CADPS2: variants seen among roughly 807,000 people sequenced by gnomAD.
The protein encoded by CADPS2 is calcium-dependent secretion activator 2.
In CADPS2, 93 loss-of-function variants were observed where a neutral mutation model predicts 172.5. The ratio of observed to expected loss-of-function variants is 0.54; its 90% CI spans 0.46 to 0.64. The LOEUF (loss-of-function observed/expected upper bound fraction) is 0.64. Among genes scored for constraint, CADPS2 ranks in the 30% least tolerant of loss-of-function variants. The probability of loss-of-function intolerance (pLI) is 0.00; values close to 1 mark genes in which losing one functional copy is unlikely to be tolerated. For synonymous variants in CADPS2, 546 were observed against 555.2 expected, an observed-to-expected ratio of 0.98 and a Z score of 0.23; for missense variants, 1,420 against 1,565.9, an observed-to-expected ratio of 0.91 and a Z score of 1.57.
intron 14 of CADPS2, among the ~76,000 whole-genome samples, chr7:122,465,942 C>A (rs2055079245): frequency 1.3e-5 from 2 of 152,128 alleles, no homozygotes; most frequent in Non-Finnish European, 2.9e-5. Flanking sequence ...GTAAATAACA[C>A]CTATGTACAT....
intron 6 of CADPS2, among the ~76,000 whole-genome samples, chr7:122,599,755 AT>A (rs2072467003): frequency 6.6e-6 from 1 of 152,064 alleles, no homozygotes; most frequent in South Asian, 2.1e-4. Context: ...GTAAAAGTGT[AT>A]TTCAGATAGA....
At chr7:122,397,199 T>A (rs1223323983) in intron 20 of CADPS2, among the ~76,000 whole-genome samples, 3 of 152,146 alleles carry the variant, frequency 2.0e-5, no homozygotes, top group Non-Finnish European at 4.4e-5. Flanking sequence ...TGACAGCAAA[T>A]GATTATATCC....
At chr7:122,712,940 C>T (rs186595443) in intron 2 of CADPS2, among the ~76,000 whole-genome samples, 2 of 152,154 alleles carry the variant, frequency 1.3e-5, no homozygotes, top group Admixed American at 1.3e-4. Flanking sequence ...CTCCTAATAC[C>T]ATCACCTTGG....
At chr7:122,732,510 CAATTT>C (rs2091746917) in intron 2 of CADPS2, among the ~76,000 whole-genome samples, 1 of 149,464 alleles carries the variant, frequency 6.7e-6, no homozygotes, top group South Asian at 2.1e-4. Context: ...GATATCTTTT[CAATTT>C]AATTTGTAAT....
chr7:122,780,320 C>A (rs775848146), intron 1 of CADPS2, among the ~76,000 whole-genome samples: 1 of 152,224 alleles, frequency 6.6e-6, no homozygotes, highest in East Asian at 1.9e-4. Flanking sequence ...CAACTGCTAA[C>A]AACTGATGAT....
intron 23 of CADPS2, among the ~76,000 whole-genome samples, chr7:122,388,257 T>A (rs1007525576): frequency 3.3e-5 from 5 of 152,018 alleles, no homozygotes; most frequent in Non-Finnish European, 4.4e-5. Context: ...ACAGACCTTT[T>A]TCATACGTCT....
intron 12 of CADPS2, among the ~76,000 whole-genome samples, chr7:122,476,451 A>C (rs1169463334): frequency 6.6e-6 from 1 of 152,144 alleles, no homozygotes; most frequent in African/African-American, 2.4e-5. Context: ...AATGTTTCTG[A>C]AAAACGATCT....
intron 2 of CADPS2, chr7:122,698,923 C>G: frequency 1.9e-6 from 3 of 1,557,090 alleles, no homozygotes; most frequent in Non-Finnish European, 2.6e-6. Context: ...ATGCATCTCT[C>G]TCTTCTCCGA....
chr7:122,503,536 C>T lies in CADPS2; in HGVS notation c.1542+9713G>A, dbSNP rs145969989. Among the ~76,000 whole-genome samples, 137 of 152,248 alleles carry T rather than the reference C, an allele frequency of 9.0e-4. 2 individuals carry two copies. The East Asian group carries it at 0.022, about 25-fold the overall frequency. ...GACACATTGGCAAAATAGTTTAATACTAATATGATTGCTCTTTCCTATGTT... is the reference window on the plus strand; with the variant it reads ...GACACATTGGCAAAATAGTTTAATATTAATATGATTGCTCTTTCCTATGTT... On this transcript the variant is annotated intron_variant, in intron 9 of 29. Transcript: ENST00000449022.
intron 15 of CADPS2, among the ~76,000 whole-genome samples, chr7:122,443,256 G>C (rs1351712835): frequency 6.6e-6 from 1 of 152,172 alleles, no homozygotes; most frequent in African/African-American, 2.4e-5. Context: ...CACATTTACG[G>C]AGTACAAGTA....
chr7:122,668,780 A>C (rs146944432), intron 2 of CADPS2, among the ~76,000 whole-genome samples: 9 of 152,286 alleles, frequency 5.9e-5, no homozygotes, highest in Non-Finnish European at 1.2e-4. Flanking sequence ...TTTGACAGAC[A>C]AGATTTACTG....
In CADPS2 at chr7:122,767,282, G is replaced by A. The variant is rs554383086; in HGVS notation, c.340-30214C>T. On this transcript the variant is annotated intron_variant, in intron 1 of 29. Coordinates refer to ENST00000449022, the MANE Select transcript of CADPS2 (RefSeq NM_017954.11). ...TTTTCCTCATCTCATCTTTACAACTGTGAGGTCGATGTTATTATTCCTATA... is the reference window on the plus strand; with the variant it reads ...TTTTCCTCATCTCATCTTTACAACTATGAGGTCGATGTTATTATTCCTATA... Among the ~76,000 whole-genome samples, 6 of 152,176 alleles carry A rather than the reference G, an allele frequency of 3.9e-5. No homozygotes were observed. The South Asian group carries it at 1.2e-3, about 32-fold the overall frequency.
chr7:122,569,998 A>G (rs1276663411), intron 7 of CADPS2, among the ~76,000 whole-genome samples: 1 of 150,294 alleles, frequency 6.7e-6, no homozygotes, highest in Non-Finnish European at 1.5e-5. Context: ...TAAAACACCA[A>G]AAGCAATGGC....
intron 2 of CADPS2, among the ~76,000 whole-genome samples, chr7:122,673,246 C>A (rs56122498): frequency 1.3e-5 from 2 of 152,250 alleles, no homozygotes; most frequent in African/African-American, 4.8e-5. Flanking sequence ...GGACCCCAGC[C>A]GGTTGCCGCA....
At chr7:122,466,812 T>C (rs1029208432) in intron 14 of CADPS2, among the ~76,000 whole-genome samples, 1 of 152,166 alleles carries the variant, frequency 6.6e-6, no homozygotes, top group Non-Finnish European at 1.5e-5. Flanking sequence ...TAAAACCATT[T>C]GCTCAAAGTT....
intron 2 of CADPS2, among the ~76,000 whole-genome samples, chr7:122,700,552 T>G (rs1314703157): frequency 6.6e-6 from 1 of 152,074 alleles, no homozygotes; most frequent in Non-Finnish European, 1.5e-5. Flanking sequence ...GAAACAGAAA[T>G]TTTCATCAAT....
chr7:122,493,588 A>G (rs146479996), intron 9 of CADPS2, among the ~76,000 whole-genome samples: 1 of 152,334 alleles, frequency 6.6e-6, no homozygotes, highest in East Asian at 1.9e-4. Flanking sequence ...TGGGTGACAG[A>G]ATGAAAACTG....
intron 6 of CADPS2, among the ~76,000 whole-genome samples, chr7:122,605,214 A>G (rs750695534): frequency 1.1e-4 from 17 of 152,126 alleles, no homozygotes; most frequent in Non-Finnish European, 1.9e-4. Flanking sequence ...GTCAGTGAGT[A>G]AGTGGTGAGT....
At chr7:122,343,208 A>T (rs35759423) in intron 28 of CADPS2, among the ~76,000 whole-genome samples, 64 of 152,290 alleles carry the variant, frequency 4.2e-4, no homozygotes, top group Non-Finnish European at 5.1e-4. Context: ...TGTGCAATTT[A>T]AAAATATTAG....
Sources: allele counts gnomAD v4.1 joint callset (sites outside exome capture counted in the v4.1 genomes callset), GRCh38; gene constraint gnomAD v4.1.1; transcripts MANE v1.5; gene names NCBI Gene and HGNC (gene_info 2026-07-23, HGNC 2026-07-21).